The following OFD1 variants were observed in gnomAD, a reference collection of about 807,000 sequenced individuals.
OFD1 encodes the protein OFD1 centriole and centriolar satellite protein, also known as centriole and centriolar satellite protein OFD1.
OFD1 carries 12 observed loss-of-function variants against 81.4 expected under a neutral mutation model. The observed-to-expected ratio is 0.15, with a 90% CI of 0.09 to 0.24. The LOEUF (loss-of-function observed/expected upper bound fraction) is 0.24. Among genes scored for constraint, OFD1 ranks in the 10% least tolerant of loss-of-function variants. OFD1 has a pLI of 1.00. For missense variants in OFD1, 685 were observed against 733.9 expected (o/e 0.93, Z 0.77); for synonymous variants, 256 against 263.7 (o/e 0.97, Z 0.28).
intron 11 of OFD1, among the ~76,000 whole-genome samples, chrX:13,753,734 G>A (rs1202514719): frequency 8.9e-6 from 1 of 111,974 alleles, no homozygotes; most frequent in Non-Finnish European, 1.9e-5. Flanking sequence ...TGTCAGGAAC[G>A]TAGCAGCAAC....
At chrX:13,753,554 A>G (rs921288386) in intron 11 of OFD1, 113 bp downstream of exon 11, 22 of 680,726 alleles carry the variant, frequency 3.2e-5, no homozygotes, top group Non-Finnish European at 1.3e-5. Flanking sequence ...TTCATTGTTC[A>G]TACAAAATTA....
intron 18 of OFD1, among the ~76,000 whole-genome samples, chrX:13,763,244 A>C (rs1158957874): frequency 8.9e-6 from 1 of 112,652 alleles, no homozygotes. Flanking sequence ...GTGTAAAATA[A>C]GCATGTAGAG....
the OFD1 span, among the ~76,000 whole-genome samples, chrX:13,722,567 A>G: frequency 1.8e-5 from 2 of 111,959 alleles, no homozygotes; most frequent in South Asian, 7.6e-4. Flanking sequence ...GGTGAAGTGG[A>G]AGAACTGAAA....
chrX:13,766,829 G>C (rs376263486), intron 19 of OFD1, among the ~76,000 whole-genome samples: 1 of 111,598 alleles, frequency 9.0e-6, no homozygotes, highest in African/African-American at 3.3e-5. Context: ...GCCTTGGAAA[G>C]GAGGGAGGAG....
At position 13,768,755 on chromosome X, in the gene OFD1, A is replaced by T; in HGVS notation, c.2966A>T (p.Asp989Val). Residue 989 changes from aspartate (D) to valine (V), a missense_variant, in exon 22 of 23, where the codon GAC becomes GTC. Physicochemically the swap from Asp to Val is radical, Grantham distance 152. Around this residue, in one of 3 missense-constraint regions of OFD1, gnomAD observed 259 missense variants for 254.4 expected, o/e 1.02. Transcript: ENST00000340096. ...KKMVQEGSLV[D>V]TLQSSDKVES... Reference sequence around the variant, plus strand: ...ATGGTCCAAGAAGGCTCCCTAGTGGACACGCTGCAATCTAGTGACAAAGTC... The same window carrying T: ...ATGGTCCAAGAAGGCTCCCTAGTGGTCACGCTGCAATCTAGTGACAAAGTC... 1.7e-6 allele frequency: 2 copies of T among 1,210,063 alleles called. No homozygotes were observed. Among genetic ancestry groups the T allele is most frequent in the Non-Finnish European group, 2.2e-6 (2 of 893,766 alleles).
the OFD1 span, among the ~76,000 whole-genome samples, chrX:13,717,906 G>A: frequency 3.6e-5 from 4 of 111,995 alleles, no homozygotes; most frequent in Admixed American, 3.8e-4. Flanking sequence ...CACTGGAGTA[G>A]GGTGGGCCCC....
At chrX:13,755,069 A>G in intron 11 of OFD1, 82 bp from the exon 12 acceptor site, 1 of 681,120 alleles carries the variant, frequency 1.5e-6, no homozygotes, top group South Asian at 2.2e-5. Flanking sequence ...ATTAGGTCTG[A>G]CATACTGGCC....
intron 10 of OFD1, chrX:13,753,033 G>A: frequency 2.2e-6 from 2 of 899,116 alleles, no homozygotes; most frequent in South Asian, 5.6e-5. Context: ...AGTCTGTTGT[G>A]TGCTGTGTAA....
At chrX:13,746,083 C>G (rs1411040630) in intron 6 of OFD1, among the ~76,000 whole-genome samples, 1 of 111,978 alleles carries the variant, frequency 8.9e-6, no homozygotes, top group Admixed American at 9.5e-5. Context: ...ACAATTTTAG[C>G]GAACACTTGT....
intron 7 of OFD1, 73 bp downstream of exon 7, chrX:13,746,528 A>G: frequency 9.1e-7 from 1 of 1,102,565 alleles, no homozygotes; most frequent in Non-Finnish European, 1.3e-6. Context: ...CCATAGGTAT[A>G]TGGGAAAATA....
intron 20 of OFD1, 164 bp from the exon 21 acceptor site, chrX:13,767,890 A>G (rs184848812): frequency 1.5e-5 from 7 of 472,045 alleles, no homozygotes; most frequent in Admixed American, 3.9e-5. Flanking sequence ...GAGATGACAT[A>G]TTTGTCTTCC....
intron 6 of OFD1, among the ~76,000 whole-genome samples, chrX:13,744,848 GATT>G (rs1452881969): frequency 8.9e-6 from 1 of 112,499 alleles, no homozygotes; most frequent in Non-Finnish European, 1.9e-5. Flanking sequence ...CCAGTTAGAA[GATT>G]ATAAACTACT....
intron 19 of OFD1, among the ~76,000 whole-genome samples, chrX:13,765,239 A>G (rs1280556959): frequency 9.1e-6 from 1 of 110,214 alleles, no homozygotes; most frequent in African/African-American, 3.3e-5. Context: ...CCCCGTGGAC[A>G]TGCTTCCTTC....
At chrX:13,749,693 G>C (rs2047433364) in intron 9 of OFD1, among the ~76,000 whole-genome samples, 160 bp downstream of exon 9, 1 of 112,544 alleles carries the variant, frequency 8.9e-6, no homozygotes, top group South Asian at 3.6e-4. Flanking sequence ...AAACACTAGG[G>C]TTTTGTTTTT....
chrX:13,772,861 C>A (rs759023103), downstream of OFD1: 1 of 1,203,372 alleles, frequency 8.3e-7, no homozygotes, highest in African/African-American at 1.8e-5. Context: ...ATACGTCGGC[C>A]GAAACACTCT....
At chrX:13,734,727 C>CCCG (rs1227196075), upstream of OFD1, 8 of 1,016,021 alleles carry the variant, frequency 7.9e-6, no homozygotes, top group African/African-American at 1.5e-4. Context: ...CTATATTTAG[C>CCCG]AGGTTTCCGG....
chrX:13,727,005 AAAG>A, the OFD1 span, among the ~76,000 whole-genome samples: 113 of 112,249 alleles, frequency 1.0e-3, no homozygotes, highest in African/African-American at 3.4e-3. Context: ...CAAAAGAGAC[AAAG>A]AAGGCCATTA....
At chrX:13,733,033 C>G (rs1410078624), upstream of OFD1, among the ~76,000 whole-genome samples, 2 of 111,875 alleles carry the variant, frequency 1.8e-5, no homozygotes, top group Admixed American at 1.9e-4. Flanking sequence ...AAGCAATTCT[C>G]CCTCCCCTAG....
chrX:13,728,239 A>C, the OFD1 span, among the ~76,000 whole-genome samples: 2 of 112,271 alleles, frequency 1.8e-5, no homozygotes, highest in Non-Finnish European at 3.8e-5. Flanking sequence ...AATCCTCCCT[A>C]ACTCATTTTA....
Sources: gnomAD v4.1 joint callset for allele counts (sites outside exome capture counted in the v4.1 genomes callset) on GRCh38, gnomAD v4.1.1 for gene constraint, gnomAD v4.1.1 regional missense constraint, MANE v1.5 for transcripts, NCBI Gene and HGNC (gene_info 2026-07-23, HGNC 2026-07-21) for gene names.